Variants in MCCC1 observed in about 807,000 individuals in gnomAD.
MCCC1 encodes methylcrotonyl-CoA carboxylase subunit 1, also known as methylcrotonoyl-CoA carboxylase subunit alpha, mitochondrial.
A neutral mutation model predicts 83.8 loss-of-function variants in MCCC1; 64 were observed. That is an observed-to-expected ratio of 0.76 (90% CI 0.62 to 0.94). MCCC1 has a LOEUF of 0.94. Among genes scored for constraint, MCCC1 ranks in the 40% least tolerant of loss-of-function variants. The pLI is 0.00. For synonymous variants in MCCC1, 322 were observed against 315.4 expected, an observed-to-expected ratio of 1.02 and a Z score of -0.22; for missense variants, 807 against 904.7, an observed-to-expected ratio of 0.89 and a Z score of 1.39.
intron 1 of MCCC1, among the ~76,000 whole-genome samples, chr3:183,108,236 G>A (rs1171888453): frequency 6.6e-6 from 1 of 152,092 alleles, no homozygotes; most frequent in Non-Finnish European, 1.5e-5. Flanking sequence ...CCAAACTGTG[G>A]CCTCCAATTT....
intron 1 of MCCC1, among the ~76,000 whole-genome samples, chr3:183,095,433 A>G (rs1718670556): frequency 6.6e-6 from 1 of 152,222 alleles, no homozygotes; most frequent in Non-Finnish European, 1.5e-5. Flanking sequence ...CCAGAGAAAT[A>G]AACGGAAGTT....
chr3:183,045,186 T>C (rs552480234), intron 10 of MCCC1, among the ~76,000 whole-genome samples: 26 of 151,980 alleles, frequency 1.7e-4, no homozygotes, highest in Non-Finnish European at 3.5e-4. Flanking sequence ...GCTCAGTGAT[T>C]CTCCTGCCTC....
At chr3:183,065,770 A>T (rs1326970437) in intron 7 of MCCC1, among the ~76,000 whole-genome samples, 1 of 152,226 alleles carries the variant, frequency 6.6e-6, no homozygotes, top group Non-Finnish European at 1.5e-5. Flanking sequence ...ATATTGTCTA[A>T]AGTTAAAGGG....
intron 8 of MCCC1, among the ~76,000 whole-genome samples, chr3:183,052,519 G>A (rs1465790139): frequency 1.3e-5 from 2 of 152,156 alleles, no homozygotes; most frequent in Non-Finnish European, 2.9e-5. Flanking sequence ...CAAAAGTATA[G>A]CACAATCAGC....
At chr3:183,046,603 T>C (rs1411103728) in intron 9 of MCCC1, among the ~76,000 whole-genome samples, 2 of 152,128 alleles carry the variant, frequency 1.3e-5, no homozygotes, top group Non-Finnish European at 1.5e-5. Flanking sequence ...TTTCACCATG[T>C]TGGCCAGGCT....
chr3:183,086,812 T>G (rs1001386290), intron 3 of MCCC1, 24 bp from the exon 4 acceptor site: 14 of 1,604,400 alleles, frequency 8.7e-6, no homozygotes, highest in Admixed American at 1.7e-5. Flanking sequence ...ATCACATGCT[T>G]AAAAGACTTT....
intron 9 of MCCC1, among the ~76,000 whole-genome samples, chr3:183,048,252 CAAT>C (rs1252575173): frequency 6.6e-6 from 1 of 151,958 alleles, no homozygotes; most frequent in African/African-American, 2.4e-5. Flanking sequence ...AAATAGAAAA[CAAT>C]AATAAATATG....
intron 10 of MCCC1, among the ~76,000 whole-genome samples, chr3:183,044,252 A>G (rs1478280471): frequency 6.6e-6 from 1 of 152,190 alleles, no homozygotes; most frequent in Non-Finnish European, 1.5e-5. Flanking sequence ...TCATGTTAGG[A>G]AAAAGAAGGC....
chr3:183,050,637 C>T (rs1017604615), intron 9 of MCCC1, among the ~76,000 whole-genome samples: 5 of 129,908 alleles, frequency 3.8e-5, no homozygotes, highest in African/African-American at 8.9e-5. Flanking sequence ...ACCTGGGAGG[C>T]GGAGGTTGCA....
intron 4 of MCCC1, among the ~76,000 whole-genome samples, chr3:183,080,766 G>A (rs1030392639): frequency 1.3e-5 from 2 of 152,154 alleles, no homozygotes; most frequent in Admixed American, 6.6e-5. Context: ...AAGAGGTTTA[G>A]TGGCTGGATA....
At chr3:183,085,016 T>C (rs2108550252) in intron 4 of MCCC1, among the ~76,000 whole-genome samples, 1 of 152,326 alleles carries the variant, frequency 6.6e-6, no homozygotes, top group Non-Finnish European at 1.5e-5. Flanking sequence ...AAAGGAATTA[T>C]GGAGGAGCCA....
chr3:183,115,726 C>G (rs1576862258), exon 1 of MCCC1: 1 of 152,288 alleles, frequency 6.6e-6, no homozygotes, highest in Non-Finnish European at 1.5e-5. Context: ...GTGTTGGGCG[C>G]CTGTAATCCC....
intron 4 of MCCC1, 100 bp downstream of exon 4, chr3:183,086,593 T>A: frequency 1.0e-6 from 1 of 1,000,790 alleles, no homozygotes; most frequent in Non-Finnish European, 1.5e-6. Context: ...AATGTAAAGA[T>A]CTTGGGAAAG....
intron 4 of MCCC1, among the ~76,000 whole-genome samples, chr3:183,083,116 CA>C (rs1436154216): frequency 1.3e-5 from 2 of 152,112 alleles, no homozygotes; most frequent in Non-Finnish European, 2.9e-5. Flanking sequence ...AAAAGTATGT[CA>C]AAATGGCCAC....
At chr3:183,051,333 A>G (rs1336269389) in intron 9 of MCCC1, among the ~76,000 whole-genome samples, 4 of 152,212 alleles carry the variant, frequency 2.6e-5, no homozygotes, top group East Asian at 3.8e-4. Flanking sequence ...ACGAAATATT[A>G]TTCAGCATAA....
chr3:183,078,114 G>T (rs900314734), intron 4 of MCCC1, among the ~76,000 whole-genome samples: 4 of 152,090 alleles, frequency 2.6e-5, no homozygotes, highest in African/African-American at 9.7e-5. Flanking sequence ...CCACCTCCTG[G>T]GTTCCAGCGA....
In MCCC1 at chr3:183,052,072, T is replaced by G; in HGVS notation, c.955+87A>C. ...ATGGTCAAAACAGCTTGAAAGCAAC[T>G]GATTTAAAAGTTGTGTTTCTCTTGC... is the stretch of plus-strand genomic sequence containing the variant. On this transcript the variant is annotated intron_variant, in intron 9 of 18. Coordinates refer to ENST00000265594, the MANE Select transcript of MCCC1 (RefSeq NM_020166.5). 4 of 1,257,742 alleles carry G rather than the reference T, an allele frequency of 3.2e-6. No homozygotes were observed. The South Asian group carries it at 4.8e-5, about 15-fold the overall frequency. The allele number at this position is 1,257,742 out of a possible 1,614,324, so 77.9% of individuals were successfully genotyped here. A position where few individuals can be genotyped will look rare whatever the true frequency, so the allele number is the denominator to read the frequency against.
At position 183,041,615 on chromosome 3, in the gene MCCC1, T is replaced by C. The variant is rs1473339043; in HGVS notation, c.1219A>G (p.Thr407Ala). The C allele has an allele frequency of 5.0e-6, 8 of 1,614,024 alleles. No homozygotes were observed. Among genetic ancestry groups the C allele is most frequent in the South Asian group, 4.4e-5 (4 of 91,078 alleles). ...CTGGTGGAAGGGTCTGCTCGAGGAGTAGAGAGGTGCACTAATGGGCCTGCC... is the reference window on the plus strand; with the variant it reads ...CTGGTGGAAGGGTCTGCTCGAGGAGCAGAGAGGTGCACTAATGGGCCTGCC... ...PVAGPLVHLS[T>A]PRADPSTRIE... Residue 407 changes from threonine to alanine, a missense_variant, in exon 11 of 19, where the codon ACT becomes GCT. Thr to Ala is a moderately conservative substitution (Grantham distance 58). Coordinates refer to ENST00000265594, the MANE Select transcript of MCCC1 (RefSeq NM_020166.5).
intron 4 of MCCC1, among the ~76,000 whole-genome samples, chr3:183,076,926 T>A (rs1390559888): frequency 6.6e-6 from 1 of 152,200 alleles, no homozygotes. Flanking sequence ...CAACTGTGAA[T>A]CTACTGTCTC....
Sources: allele counts gnomAD v4.1 joint callset (sites outside exome capture counted in the v4.1 genomes callset), GRCh38; gene constraint gnomAD v4.1.1; transcripts MANE v1.5; gene names NCBI Gene and HGNC (gene_info 2026-07-23, HGNC 2026-07-21).